CFAP61: variants seen among roughly 807,000 people sequenced by gnomAD.
CFAP61 encodes cilia- and flagella-associated protein 61.
Under a neutral mutation model 135.6 loss-of-function variants are expected in CFAP61, and 107 were observed. The observed-to-expected ratio is 0.79, with a 90% CI of 0.67 to 0.93. CFAP61 has a LOEUF of 0.93. CFAP61 is among the 40% of genes least tolerant of loss of function. The probability of loss-of-function intolerance (pLI) is 0.00; values close to 1 mark genes in which losing one functional copy is unlikely to be tolerated. For missense variants in CFAP61, 1,507 were observed against 1,556.2 expected, an observed-to-expected ratio of 0.97 and a Z score of 0.53; for synonymous variants, 575 against 578.5, an observed-to-expected ratio of 0.99 and a Z score of 0.09.
At chr20:20,189,145 G>A (rs1055693312) in intron 14 of CFAP61, among the ~76,000 whole-genome samples, 1 of 152,166 alleles carries the variant, frequency 6.6e-6, no homozygotes, top group African/African-American at 2.4e-5. Flanking sequence ...TAATTTTTAA[G>A]TCATCAGGAG....
intron 13 of CFAP61, among the ~76,000 whole-genome samples, chr20:20,185,591 A>G (rs1357481324): frequency 6.6e-6 from 1 of 152,176 alleles, no homozygotes; most frequent in African/African-American, 2.4e-5. Context: ...AGGGCTTTGG[A>G]ATGGAAACAG....
At chr20:20,172,382 T>A (rs2146829024) in intron 13 of CFAP61, 1 of 662,268 alleles carries the variant, frequency 1.5e-6, no homozygotes, top group East Asian at 1.3e-4. Context: ...AATGGCACAA[T>A]CATGGCTCGC....
intron 25 of CFAP61, among the ~76,000 whole-genome samples, chr20:20,309,971 G>A (rs2056724644): frequency 6.6e-6 from 1 of 152,048 alleles, no homozygotes; most frequent in African/African-American, 2.4e-5. Context: ...AGCTTGGAGG[G>A]GTCAACCTTA....
At chr20:20,279,868 T>C (rs2054057976) in intron 22 of CFAP61, among the ~76,000 whole-genome samples, 1 of 152,296 alleles carries the variant, frequency 6.6e-6, no homozygotes, top group Admixed American at 6.5e-5. Context: ...ATTTGAACAA[T>C]AGTTTGTACC....
At chr20:20,337,483 T>C (rs1435875360) in intron 25 of CFAP61, among the ~76,000 whole-genome samples, 2 of 147,656 alleles carry the variant, frequency 1.4e-5, no homozygotes, top group African/African-American at 5.1e-5. Context: ...GGTGGATGGA[T>C]GGATGGATAG....
At chr20:20,293,036 G>A (rs1248219558) in intron 24 of CFAP61, among the ~76,000 whole-genome samples, 1 of 152,178 alleles carries the variant, frequency 6.6e-6, no homozygotes, top group East Asian at 1.9e-4. Context: ...CCAGTGAGGT[G>A]GGGCATGAGG....
intron 2 of CFAP61, among the ~76,000 whole-genome samples, chr20:20,061,095 C>T (rs2044763202): frequency 6.6e-6 from 1 of 152,046 alleles, no homozygotes; most frequent in Non-Finnish European, 1.5e-5. Context: ...CAGTTGATAA[C>T]TGGAACAGAT....
chr20:20,104,758 C>G (rs2048258330), intron 8 of CFAP61, among the ~76,000 whole-genome samples: 1 of 152,184 alleles, frequency 6.6e-6, no homozygotes, highest in Non-Finnish European at 1.5e-5. Context: ...ATTTGTGAGG[C>G]CAGAAGTCAA....
chr20:20,126,951 A>G (rs1326479550), intron 8 of CFAP61, among the ~76,000 whole-genome samples: 3 of 151,598 alleles, frequency 2.0e-5, no homozygotes, highest in African/African-American at 7.3e-5. Flanking sequence ...GATTGGGTTA[A>G]TTCGAAGATG....
At chr20:20,222,885 A>G (rs1052538067) in intron 17 of CFAP61, among the ~76,000 whole-genome samples, 11 of 152,214 alleles carry the variant, frequency 7.2e-5, no homozygotes, top group Admixed American at 5.2e-4. Context: ...GAGTTTCTCA[A>G]GGAGAAAAGA....
At chr20:20,354,708 C>G (rs2058977354) in intron 26 of CFAP61, among the ~76,000 whole-genome samples, 1 of 150,604 alleles carries the variant, frequency 6.6e-6, no homozygotes, top group Admixed American at 6.6e-5. Context: ...AGTGATCACA[C>G]TGTGTGAGGG....
rs183238624 is a variant in CFAP61 at position 20,321,341 on chromosome 20, T to C, written c.3423-20490T>C. On this transcript the variant is annotated intron_variant, in intron 25 of 26. Transcript: ENST00000245957. The stretch of plus-strand genomic sequence containing the variant: ...ATGACACAACATGGGCCATGAGTCG[T>C]TAACTGTTGAAACTGGGTGATAGGT... Among the ~76,000 whole-genome samples, 50 of 152,330 alleles carry C rather than the reference T, an allele frequency of 3.3e-4. No homozygotes were observed. The East Asian group carries it at 9.4e-3, about 29-fold the overall frequency.
At chr20:20,130,536 T>G (rs1366868209) in intron 8 of CFAP61, among the ~76,000 whole-genome samples, 1 of 151,842 alleles carries the variant, frequency 6.6e-6, no homozygotes, top group African/African-American at 2.4e-5. Context: ...TTGTTTTTTA[T>G]TGGGATATTT....
chr20:20,055,192 T>G (rs2044212479), intron 1 of CFAP61, among the ~76,000 whole-genome samples: 1 of 152,240 alleles, frequency 6.6e-6, no homozygotes, highest in Non-Finnish European at 1.5e-5. Context: ...CTTTTGTTTC[T>G]CTTTCTATAT....
At chr20:20,177,778 A>C (rs2054749001) in intron 13 of CFAP61, among the ~76,000 whole-genome samples, 3 of 137,700 alleles carry the variant, frequency 2.2e-5, no homozygotes. Context: ...GCAGGTGTGG[A>C]GAGGGGATAG....
Position 20,202,815 on chromosome 20 carries a change from C to T in CFAP61, c.1932+2913C>T, listed in dbSNP as rs140004983. On this transcript the variant is annotated intron_variant, in intron 17 of 26. Coordinates refer to ENST00000245957, the MANE Select transcript of CFAP61 (RefSeq NM_015585.4). Reference sequence around the variant, plus strand: ...CTTTATATGAGACCCTCAGCTCCCTCACCATGTCCATATCATTTCTCTTGC... The same window carrying T: ...CTTTATATGAGACCCTCAGCTCCCTTACCATGTCCATATCATTTCTCTTGC... Among the ~76,000 whole-genome samples, 995 of 152,246 alleles carry T rather than the reference C, an allele frequency of 6.5e-3. 12 individuals are homozygous for T. Among genetic ancestry groups the T allele is most frequent in the African/African-American group, 0.022 (904 of 41,528 alleles).
intron 25 of CFAP61, among the ~76,000 whole-genome samples, chr20:20,336,747 A>T (rs2058206148): frequency 6.6e-6 from 1 of 152,186 alleles, no homozygotes; most frequent in African/African-American, 2.4e-5. Flanking sequence ...TAGCCTAGGG[A>T]TGAAGCTGCA....
At chr20:20,118,560 C>T (rs1306503932) in intron 8 of CFAP61, among the ~76,000 whole-genome samples, 2 of 152,004 alleles carry the variant, frequency 1.3e-5, no homozygotes, top group East Asian at 1.9e-4. Context: ...AGGTTGGTCT[C>T]GAACTCCTGA....
intron 17 of CFAP61, among the ~76,000 whole-genome samples, chr20:20,224,733 C>G (rs2048615538): frequency 6.6e-6 from 1 of 152,084 alleles, no homozygotes; most frequent in Non-Finnish European, 1.5e-5. Flanking sequence ...AAAATGCTAA[C>G]CTAATGCCAT....
Sources: allele counts gnomAD v4.1 joint callset (sites outside exome capture counted in the v4.1 genomes callset), GRCh38; gene constraint gnomAD v4.1.1; transcripts MANE v1.5; gene names NCBI Gene and HGNC (gene_info 2026-07-23, HGNC 2026-07-21).